IFNLR1: variants seen among roughly 807,000 people sequenced by gnomAD.
IFNLR1 encodes the protein CRF2-12.
Under a neutral mutation model 52.5 loss-of-function variants are expected in IFNLR1, and 28 were observed. That is an observed-to-expected ratio of 0.53 (90% confidence interval 0.40 to 0.73). The LOEUF (loss-of-function observed/expected upper bound fraction) is 0.73. IFNLR1 is among the 30% of genes least tolerant of loss of function. The pLI, the probability that IFNLR1 is intolerant of heterozygous loss-of-function variation, is 0.00. For missense variants in IFNLR1, 623 were observed against 659.1 expected (o/e 0.95, Z 0.60); for synonymous variants, 276 against 274.9 (o/e 1.00, Z -0.04).
At chr1:24,160,796 A>G (rs1644434335) in intron 4 of IFNLR1, among the ~76,000 whole-genome samples, 1 of 152,008 alleles carries the variant, frequency 6.6e-6, no homozygotes, top group Admixed American at 6.6e-5. Context: ...TGGTGCGATC[A>G]TGGCTCACTG....
intron 1 of IFNLR1, among the ~76,000 whole-genome samples, chr1:24,182,076 T>C (rs1644695891): frequency 6.6e-6 from 1 of 152,036 alleles, no homozygotes; most frequent in East Asian, 1.9e-4. Flanking sequence ...GGCACAGGGC[T>C]GTAATCTCAG....
intron 4 of IFNLR1, among the ~76,000 whole-genome samples, chr1:24,160,941 C>G (rs2148587491): frequency 6.6e-6 from 1 of 151,204 alleles, no homozygotes; most frequent in Middle Eastern, 3.4e-3. Context: ...CCAGGCTGGT[C>G]TTGAACTCCT....
intron 1 of IFNLR1, 89 bp from the exon 2 acceptor site, chr1:24,180,943 A>G (rs6680101): frequency 0.41 from 566,001 of 1,384,922 alleles, 119,263 homozygotes; most frequent in African/African-American, 0.63. Flanking sequence ...ACGAAGGGCA[A>G]GCAGGTGCTC....
At chr1:24,182,306 G>T (rs1434669167) in intron 1 of IFNLR1, among the ~76,000 whole-genome samples, 1 of 152,078 alleles carries the variant, frequency 6.6e-6, no homozygotes, top group Admixed American at 6.6e-5. Flanking sequence ...TCTGCTACTG[G>T]AACCCTAATT....
In IFNLR1 at chr1:24,164,241, G is replaced by A. The variant is rs114554746; in HGVS notation, c.368-2557C>T. ...CAAGGCCTGGGAAGAATTCTCTTTC[G>A]CTCTTAGCACTGCCCTTTGAGCTTC... On this transcript the variant is annotated intron_variant, in intron 3 of 6. Coordinates refer to ENST00000327535, the MANE Select transcript of IFNLR1 (RefSeq NM_170743.4). 2.6e-3 allele frequency among the ~76,000 whole-genome samples: 402 copies of A among 152,226 alleles called. 5 individuals are homozygous for A. Among genetic ancestry groups the A allele is most frequent in the African/African-American group, 9.1e-3 (377 of 41,548 alleles).
At chr1:24,167,839 C>A (rs576613333) in intron 3 of IFNLR1, among the ~76,000 whole-genome samples, 2 of 152,068 alleles carry the variant, frequency 1.3e-5, no homozygotes, top group African/African-American at 4.8e-5. Context: ...GGACTACAGG[C>A]GCACATCATC....
intron 3 of IFNLR1, among the ~76,000 whole-genome samples, chr1:24,162,724 TTTTC>T (rs869032994): frequency 3.7e-4 from 12 of 32,490 alleles, no homozygotes; most frequent in African/African-American, 1.3e-3. Context: ...TCTTTCTTTC[TTTTC>T]TTTCTTTCTT....
At chr1:24,171,663 C>CT (rs557134606) in intron 2 of IFNLR1, among the ~76,000 whole-genome samples, 10,081 of 144,382 alleles carry the variant, frequency 0.07, 840 homozygotes, top group African/African-American at 0.21. Flanking sequence ...ATTTTCTTTT[C>CT]TTTTTTTTTT....
At chr1:24,162,827 TTTCTTTTCTTTCTTTCTTTC>T (rs1557644139) in intron 3 of IFNLR1, among the ~76,000 whole-genome samples, 6 of 49,182 alleles carry the variant, frequency 1.2e-4, no homozygotes, top group Admixed American at 2.2e-4. Flanking sequence ...TTCTTCTTTC[TTTCTTTTCTTTCTTTCTTTC>T]TTTCTTTCTT....
chr1:24,178,600 C>G (rs1393843489), intron 2 of IFNLR1, among the ~76,000 whole-genome samples: 1 of 152,050 alleles, frequency 6.6e-6, no homozygotes, highest in Non-Finnish European at 1.5e-5. Context: ...TCCCACTGGA[C>G]AGAGATGAGG....
At chr1:24,159,944 C>T (rs913800860) in intron 4 of IFNLR1, among the ~76,000 whole-genome samples, 1 of 152,104 alleles carries the variant, frequency 6.6e-6, no homozygotes, top group Non-Finnish European at 1.5e-5. Flanking sequence ...TAGGCAAGGT[C>T]TTGCTGTTGC....
intron 2 of IFNLR1, among the ~76,000 whole-genome samples, chr1:24,174,848 T>A (rs906260097): frequency 6.6e-6 from 1 of 151,418 alleles, no homozygotes; most frequent in African/African-American, 2.4e-5. Context: ...CTTTGGAAAA[T>A]TTTCAGCCTA....
rs1270996566 is a variant in IFNLR1, at chr1:24,171,122, T to C, written c.183-1521A>G. On this transcript the variant is annotated intron_variant, in intron 2 of 6. Transcript: ENST00000327535. ...AGGAAGACAGAAAAATTCTAACTTA[T>C]GTGTGCCTACTAAACAACTTCACCC... 3.3e-5 allele frequency among the ~76,000 whole-genome samples: 5 copies of C among 152,336 alleles called. No homozygotes were observed. The South Asian group carries it at 1.0e-3, about 32-fold the overall frequency.
At position 24,156,914 on chromosome 1, in the gene IFNLR1, C is replaced by T; in HGVS notation, c.*216G>A. ...ACCTCAGCCCACCCTGTGTCCACCC[C>T]TCTTATAGCTCAGCCTAAAGAGGGC... On this transcript the variant is annotated 3_prime_UTR_variant, in exon 7 of 7. Transcript: ENST00000327535. The T allele has an allele frequency of 1.7e-6, 1 of 589,224 alleles. No homozygotes were observed. Among genetic ancestry groups the T allele is most frequent in the Non-Finnish European group, 3.0e-6 (1 of 335,738 alleles). 36.5% of individuals were successfully genotyped at this position (589,224 alleles called of 1,614,324 possible).
chr1:24,184,063 C>T (rs1431514324), intron 1 of IFNLR1, among the ~76,000 whole-genome samples: 4 of 152,004 alleles, frequency 2.6e-5, no homozygotes, highest in African/African-American at 7.2e-5. Flanking sequence ...ACCACCAAGG[C>T]CCTACCCAAT....
chr1:24,162,770 TTCTTTCTTTTTCTTTCTTTTTC>T lies in IFNLR1; in HGVS notation c.368-1108_368-1087del, dbSNP rs1557643887. Among the ~76,000 whole-genome samples the T allele has an allele frequency of 7.8e-3, 328 of 41,842 alleles. 28 individuals carry two copies. Among genetic ancestry groups the T allele is most frequent in the Middle Eastern group, 0.034 (4 of 118 alleles). 27.4% of individuals were successfully genotyped at this position (41,842 alleles called of 152,430 possible). ...TTTCTTTCTTTCTTTCTTTCTTTCT[TTCTTTCTTTTTCTTTCTTTTTC>T]TTTCTTTCTTTTTTCTTTCTTTTTT... On this transcript the variant is annotated intron_variant, in intron 3 of 6. Transcript: ENST00000327535.
chr1:24,162,847 C>CTT (rs1319043872), intron 3 of IFNLR1, among the ~76,000 whole-genome samples: 1 of 58,824 alleles, frequency 1.7e-5, no homozygotes, highest in Non-Finnish European at 3.3e-5. Context: ...TTCTTTCTTT[C>CTT]TTTCTTTCTT....
At position 24,161,293 on chromosome 1, in the gene IFNLR1, T is replaced by A. The variant is rs1644440395; in HGVS notation, c.510+249A>T. On this transcript the variant is annotated intron_variant, in intron 4 of 6. Transcript: ENST00000327535. ...TGTGGTCATCTCTGGGTACTTTTGG[T>A]CTGCTTCTTAGAGCTTATCTGTATT... 6.8e-6 allele frequency: 4 copies of A among 592,044 alleles called. No homozygotes were observed. The African/African-American group carries it at 7.5e-5, about 11-fold the overall frequency. 36.7% of individuals were successfully genotyped at this position (592,044 alleles called of 1,614,324 possible).
chr1:24,161,892 CTG>C (rs1206475925), intron 3 of IFNLR1, among the ~76,000 whole-genome samples: 1 of 152,206 alleles, frequency 6.6e-6, no homozygotes, highest in Non-Finnish European at 1.5e-5. Context: ...GAGAGGAAAA[CTG>C]AGGCTTAGAG....
Sources: gnomAD v4.1 joint callset for allele counts (sites outside exome capture counted in the v4.1 genomes callset) on GRCh38, gnomAD v4.1.1 for gene constraint, MANE v1.5 for transcripts, NCBI Gene and HGNC (gene_info 2026-07-23, HGNC 2026-07-21) for gene names.